The following SPMIP2 variants were observed in gnomAD, a reference collection of about 807,000 sequenced individuals.
The protein encoded by SPMIP2 is sperm microtubule inner protein 2.
chr4:159,062,257 A>G, the SPMIP2 span, among the ~76,000 whole-genome samples: 1 of 152,194 alleles, frequency 6.6e-6, no homozygotes, highest in African/African-American at 2.4e-5. Context: ...GCTGCCTAGA[A>G]AGCAAGGGTT....
At chr4:159,020,342 A>G in the SPMIP2 span, among the ~76,000 whole-genome samples, 1 of 152,154 alleles carries the variant, frequency 6.6e-6, no homozygotes, top group Non-Finnish European at 1.5e-5. Flanking sequence ...TGGTGAGGGT[A>G]GGAGATAGCA....
At chr4:158,990,560 A>G in the SPMIP2 span, among the ~76,000 whole-genome samples, 1 of 152,238 alleles carries the variant, frequency 6.6e-6, no homozygotes, top group Non-Finnish European at 1.5e-5. Context: ...ATGCAGCCAT[A>G]AAGATGAGGT....
At chr4:158,996,157 C>T in the SPMIP2 span, among the ~76,000 whole-genome samples, 5 of 152,164 alleles carry the variant, frequency 3.3e-5, no homozygotes, top group Admixed American at 6.5e-5. Context: ...ATTAAATTTG[C>T]TGATGTAATC....
the SPMIP2 span, among the ~76,000 whole-genome samples, chr4:159,048,444 G>A: frequency 1.3e-5 from 2 of 152,126 alleles, no homozygotes; most frequent in African/African-American, 4.8e-5. Flanking sequence ...ACTGTATTAG[G>A]CTTTGTCTTC....
At chr4:159,043,876 A>G in the SPMIP2 span, among the ~76,000 whole-genome samples, 4 of 152,168 alleles carry the variant, frequency 2.6e-5, no homozygotes, top group African/African-American at 9.7e-5. Flanking sequence ...AATATTTGCC[A>G]TTCATTTGCC....
At chr4:158,920,563 C>T in the SPMIP2 span, among the ~76,000 whole-genome samples, 9 of 152,154 alleles carry the variant, frequency 5.9e-5, no homozygotes, top group Non-Finnish European at 8.8e-5. Context: ...GACTGAGATA[C>T]GCCCTGGTCT....
chr4:158,989,452 G>T, the SPMIP2 span, among the ~76,000 whole-genome samples: 2 of 152,232 alleles, frequency 1.3e-5, no homozygotes, highest in East Asian at 3.9e-4. Flanking sequence ...AATAAAGCTG[G>T]AGGCATCATG....
At chr4:159,027,714 G>C in the SPMIP2 span, among the ~76,000 whole-genome samples, 1 of 152,150 alleles carries the variant, frequency 6.6e-6, no homozygotes, top group Admixed American at 6.5e-5. Context: ...TAAAATAATT[G>C]AATCTGAGAC....
chr4:158,922,499 G>T, the SPMIP2 span, among the ~76,000 whole-genome samples: 1 of 152,210 alleles, frequency 6.6e-6, no homozygotes, highest in African/African-American at 2.4e-5. Flanking sequence ...AGAAGATACT[G>T]TATATATCTG....
the SPMIP2 span, among the ~76,000 whole-genome samples, chr4:158,984,082 C>G: frequency 8.5e-5 from 11 of 129,884 alleles, no homozygotes; most frequent in Non-Finnish European, 1.8e-4. Flanking sequence ...ATCAATTCAA[C>G]AAGAAGAGCT....
chr4:158,895,052 A>G, the SPMIP2 span, among the ~76,000 whole-genome samples: 65 of 152,314 alleles, frequency 4.3e-4, no homozygotes, highest in African/African-American at 1.5e-3. Flanking sequence ...GCCAAATGCA[A>G]AAGCATTTGC....
At chr4:158,974,449 C>T in the SPMIP2 span, among the ~76,000 whole-genome samples, 1 of 152,252 alleles carries the variant, frequency 6.6e-6, no homozygotes, top group East Asian at 1.9e-4. Context: ...CCAATGCTAT[C>T]CATCCCCTTG....
the SPMIP2 span, among the ~76,000 whole-genome samples, chr4:158,908,623 G>C: frequency 6.6e-6 from 1 of 152,140 alleles, no homozygotes; most frequent in East Asian, 1.9e-4. Flanking sequence ...CACCAATACA[G>C]GACATCTCTG....
At chr4:158,981,935 C>T in the SPMIP2 span, among the ~76,000 whole-genome samples, 3 of 151,326 alleles carry the variant, frequency 2.0e-5, no homozygotes, top group Non-Finnish European at 4.4e-5. Context: ...GACTGGAAAG[C>T]TGGATAAAGA....
the SPMIP2 span, among the ~76,000 whole-genome samples, chr4:159,018,889 G>A: frequency 6.6e-6 from 1 of 152,230 alleles, no homozygotes; most frequent in Admixed American, 6.5e-5. Flanking sequence ...AGGAGATCGT[G>A]ACCATCCTGG....
chr4:159,026,276 C>T, the SPMIP2 span: 2 of 561,404 alleles, frequency 3.6e-6, no homozygotes, highest in South Asian at 3.3e-5. Flanking sequence ...AAAAACCTCA[C>T]CATAAAAACT....
At chr4:159,041,922 C>T in the SPMIP2 span, among the ~76,000 whole-genome samples, 1 of 152,200 alleles carries the variant, frequency 6.6e-6, no homozygotes, top group Non-Finnish European at 1.5e-5. Context: ...AAAGTTTTGC[C>T]TTATTGTACA....
At chr4:158,896,572 G>A in the SPMIP2 span, among the ~76,000 whole-genome samples, 5 of 152,142 alleles carry the variant, frequency 3.3e-5, no homozygotes, top group East Asian at 3.8e-4. Flanking sequence ...TAATGTCGAC[G>A]TTTAAATTAT....
chr4:158,963,794 C>G, the SPMIP2 span, among the ~76,000 whole-genome samples: 1 of 152,142 alleles, frequency 6.6e-6, no homozygotes, highest in Non-Finnish European at 1.5e-5. Flanking sequence ...GATCTAGGCT[C>G]TCCTTGGCAA....
Sources: gnomAD v4.1 joint callset for allele counts (sites outside exome capture counted in the v4.1 genomes callset) on GRCh38, gnomAD v4.1.1 for gene constraint, MANE v1.5 for transcripts, NCBI Gene and HGNC (gene_info 2026-07-23, HGNC 2026-07-21) for gene names.